The following TBC1D5 variants were observed in gnomAD, a reference collection of about 807,000 sequenced individuals.
TBC1D5 encodes the protein TBC1 domain family, member 5.
In TBC1D5, 75 loss-of-function variants were observed where a neutral mutation model predicts 100.3. That is an observed-to-expected ratio of 0.75 (90% CI 0.62 to 0.91). The LOEUF (loss-of-function observed/expected upper bound fraction) is 0.91. TBC1D5 is among the 40% of genes least tolerant of loss of function. The pLI, the probability that TBC1D5 is intolerant of heterozygous loss-of-function variation, is 0.00. For missense variants in TBC1D5, 910 were observed against 942.4 expected (o/e 0.97, Z 0.45); for synonymous variants, 323 against 325.6 (o/e 0.99, Z 0.09).
intron 2 of TBC1D5, among the ~76,000 whole-genome samples, chr3:17,538,642 G>T (rs2096311601): frequency 1.3e-5 from 2 of 152,086 alleles, no homozygotes; most frequent in African/African-American, 4.8e-5. Flanking sequence ...TTCCTCCAAG[G>T]AGGCAAGAAT....
At chr3:17,637,595 G>C (rs2064085041) in intron 1 of TBC1D5, among the ~76,000 whole-genome samples, 1 of 151,730 alleles carries the variant, frequency 6.6e-6, no homozygotes, top group African/African-American at 2.4e-5. Flanking sequence ...CATCACCTCA[G>C]TAGAAAAAAG....
chr3:17,350,128 TTTG>T (rs1332017555), intron 13 of TBC1D5, among the ~76,000 whole-genome samples: 5 of 152,122 alleles, frequency 3.3e-5, no homozygotes, highest in Non-Finnish European at 7.4e-5. Flanking sequence ...TCGTACAACT[TTTG>T]TTGTTGTTGT....
intron 4 of TBC1D5, among the ~76,000 whole-genome samples, chr3:17,406,937 T>C (rs1237931836): frequency 6.6e-6 from 1 of 152,122 alleles, no homozygotes; most frequent in Non-Finnish European, 1.5e-5. Flanking sequence ...AAATACCTCT[T>C]TAAATGATCC....
intron 1 of TBC1D5, among the ~76,000 whole-genome samples, chr3:17,676,938 T>A (rs1372416684): frequency 2.6e-5 from 4 of 152,180 alleles, no homozygotes; most frequent in Admixed American, 2.6e-4. Flanking sequence ...CTGGGAAAAC[T>A]GGCTAGCCAT....
At chr3:17,160,946 A>C (rs372948907) in exon 22 of TBC1D5, 2 of 1,605,824 alleles carry the variant, frequency 1.2e-6, no homozygotes, top group African/African-American at 1.3e-5. Flanking sequence ...CCTGTGGGGC[A>C]GGACTGGGCA....
chr3:17,737,839 C>A (rs1360259921), intron 1 of TBC1D5, among the ~76,000 whole-genome samples: 16 of 138,730 alleles, frequency 1.2e-4, no homozygotes, highest in Non-Finnish European at 1.7e-4. Flanking sequence ...AAAAAAAAAA[C>A]CCAGTTAACA....
chr3:17,605,822 C>A (rs1367585170), intron 2 of TBC1D5, among the ~76,000 whole-genome samples: 2 of 152,066 alleles, frequency 1.3e-5, no homozygotes, highest in Non-Finnish European at 2.9e-5. Context: ...TAATGCAATA[C>A]AGAAATTATA....
intron 19 of TBC1D5, among the ~76,000 whole-genome samples, chr3:17,172,302 A>G (rs1559346461): frequency 6.6e-6 from 1 of 152,210 alleles, no homozygotes; most frequent in African/African-American, 2.4e-5. Flanking sequence ...GTTCCCCTAT[A>G]TAAGGTGGCA....
chr3:17,516,326 C>T (rs530192163), intron 2 of TBC1D5, among the ~76,000 whole-genome samples: 128 of 151,994 alleles, frequency 8.4e-4, no homozygotes, highest in African/African-American at 3.0e-3. Context: ...ATAGCAAGTG[C>T]TAATTTGTTT....
chr3:17,602,561 ATTTTTTTT>A (rs33956978), intron 2 of TBC1D5, among the ~76,000 whole-genome samples: 2 of 74,480 alleles, frequency 2.7e-5, no homozygotes, highest in African/African-American at 5.7e-5. Flanking sequence ...AGAGAATCAG[ATTTTTTTT>A]TTTTTTTTTT....
chr3:17,485,062 T>G (rs1237304645), intron 3 of TBC1D5, among the ~76,000 whole-genome samples: 1 of 152,064 alleles, frequency 6.6e-6, no homozygotes, highest in Non-Finnish European at 1.5e-5. Flanking sequence ...ACTGAGCAAT[T>G]TTGAACTATG....
At chr3:17,458,311 T>C (rs1466150800) in intron 3 of TBC1D5, among the ~76,000 whole-genome samples, 1 of 152,178 alleles carries the variant, frequency 6.6e-6, no homozygotes, top group African/African-American at 2.4e-5. Context: ...TTAAGGGGAA[T>C]GGTAATTGTT....
chr3:17,636,091 G>T (rs1476054579), intron 1 of TBC1D5, among the ~76,000 whole-genome samples: 1 of 152,126 alleles, frequency 6.6e-6, no homozygotes, highest in Non-Finnish European at 1.5e-5. Context: ...TACTTGAGAG[G>T]CTGAGGCAGG....
chr3:17,482,476 T>C (rs760810256), intron 3 of TBC1D5, among the ~76,000 whole-genome samples: 4 of 152,218 alleles, frequency 2.6e-5, no homozygotes, highest in Admixed American at 2.0e-4. Flanking sequence ...ATCATTAATG[T>C]ATTCAGGTTT....
At chr3:17,693,168 C>T (rs1321663276) in intron 1 of TBC1D5, among the ~76,000 whole-genome samples, 4 of 152,144 alleles carry the variant, frequency 2.6e-5, no homozygotes, top group African/African-American at 4.8e-5. Flanking sequence ...GAGTGACGGA[C>T]GCAGAAGACG....
intron 15 of TBC1D5, among the ~76,000 whole-genome samples, chr3:17,285,563 T>C (rs1361581320): frequency 2.0e-5 from 3 of 152,072 alleles, no homozygotes; most frequent in Admixed American, 2.0e-4. Context: ...CCCGGCCGGA[T>C]TTTAGATTCT....
intron 3 of TBC1D5, chr3:17,465,648 C>T (rs2095289039): frequency 6.6e-6 from 1 of 152,214 alleles, no homozygotes; most frequent in Non-Finnish European, 1.5e-5. Context: ...TTCTTTTCAA[C>T]TTATTTATAC....
At chr3:17,702,399 T>C (rs1405008895) in intron 1 of TBC1D5, 1 of 152,114 alleles carries the variant, frequency 6.6e-6, no homozygotes, top group East Asian at 1.9e-4. Context: ...GATACCTAAT[T>C]GAAGCATCAC....
chr3:17,251,967 G>C (rs1363237202), intron 16 of TBC1D5, among the ~76,000 whole-genome samples: 1 of 152,210 alleles, frequency 6.6e-6, no homozygotes, highest in Non-Finnish European at 1.5e-5. Context: ...CAATTGAATA[G>C]TCACAGAACA....
Sources: gnomAD v4.1 joint callset for allele counts (sites outside exome capture counted in the v4.1 genomes callset) on GRCh38, gnomAD v4.1.1 for gene constraint, MANE v1.5 for transcripts, NCBI Gene and HGNC (gene_info 2026-07-23, HGNC 2026-07-21) for gene names.